Variants in CAMSAP2 observed in about 807,000 individuals in gnomAD.
CAMSAP2 encodes calmodulin regulated spectrin associated protein family member 2.
CAMSAP2 carries 26 observed loss-of-function variants against 146.1 expected under a neutral mutation model. The observed-to-expected ratio is 0.18, with a 90% CI of 0.13 to 0.25. CAMSAP2 has a LOEUF of 0.25. Among genes scored for constraint, CAMSAP2 ranks in the 10% least tolerant of loss-of-function variants. CAMSAP2 has a pLI of 1.00. For missense variants in CAMSAP2, 1,381 were observed against 1,759.3 expected (o/e 0.78, Z 3.85); for synonymous variants, 499 against 596.6 (o/e 0.84, Z 2.38).
chr1:200,739,707 C>G lies in CAMSAP2; in HGVS notation c.-121C>G. The G allele has an allele frequency of 1.1e-6, 1 of 945,728 alleles. No homozygotes were observed. The highest frequency in any genetic ancestry group is 1.4e-6 in the Non-Finnish European group (1 of 706,894). The allele number at this position is 945,728 out of a possible 1,614,324, so 58.6% of individuals were successfully genotyped here. A position where few individuals can be genotyped will look rare whatever the true frequency, so the allele number is the denominator to read the frequency against. On this transcript the variant is annotated 5_prime_UTR_variant, in exon 1 of 17. Coordinates refer to ENST00000358823, the MANE Select transcript of CAMSAP2 (RefSeq NM_203459.4). This position sits in a 1 kb window ranked among gnomAD's most constrained non-coding sequence, Gnocchi z 4.8. ...AGCTTCTCCTCCGTCGGCGCCCGGGCGGACATCGCCCGGGCCCCGATGGTT... is the reference window on the plus strand; with the variant it reads ...AGCTTCTCCTCCGTCGGCGCCCGGGGGGACATCGCCCGGGCCCCGATGGTT...
intron 2 of CAMSAP2, among the ~76,000 whole-genome samples, chr1:200,770,440 C>T (rs936892463): frequency 1.6e-4 from 24 of 146,866 alleles, no homozygotes; most frequent in African/African-American, 5.6e-4. Context: ...TTTTTTGAGA[C>T]GGAGTCTCTG....
chr1:200,800,160 G>T (rs1168703066), intron 2 of CAMSAP2, among the ~76,000 whole-genome samples: 1 of 152,148 alleles, frequency 6.6e-6, no homozygotes, highest in Non-Finnish European at 1.5e-5. Context: ...TTGGGATGGC[G>T]AATTCTGTAG....
intron 2 of CAMSAP2, among the ~76,000 whole-genome samples, chr1:200,784,562 C>T (rs959521685): frequency 5.3e-5 from 8 of 152,030 alleles, no homozygotes; most frequent in African/African-American, 1.7e-4. Context: ...TTATTTATTG[C>T]TAATATATAG....
intron 4 of CAMSAP2, among the ~76,000 whole-genome samples, chr1:200,819,151 A>G (rs888184223): frequency 2.0e-5 from 3 of 152,194 alleles, no homozygotes; most frequent in Non-Finnish European, 4.4e-5. Context: ...TGTTTAGGGT[A>G]TTAGATCCTC....
chr1:200,855,762 A>G (rs1667734385), intron 14 of CAMSAP2, among the ~76,000 whole-genome samples: 1 of 151,792 alleles, frequency 6.6e-6, no homozygotes, highest in South Asian at 2.1e-4. Flanking sequence ...ATGCCCAGCT[A>G]ATTTTTGTAT....
At chr1:200,742,241 T>G (rs1330278991) in intron 1 of CAMSAP2, among the ~76,000 whole-genome samples, 1 of 152,132 alleles carries the variant, frequency 6.6e-6, no homozygotes, top group East Asian at 1.9e-4. Flanking sequence ...GTGTGAAAAA[T>G]GTGCACATAG....
chr1:200,817,816 A>G (rs1241460657), intron 4 of CAMSAP2, among the ~76,000 whole-genome samples: 2 of 152,170 alleles, frequency 1.3e-5, no homozygotes, highest in African/African-American at 4.8e-5. Context: ...TGAAAATACG[A>G]TTTGTGCTTA....
intron 1 of CAMSAP2, 124 bp from the exon 2 acceptor site, chr1:200,760,715 A>G: frequency 1.5e-6 from 1 of 646,028 alleles, no homozygotes; most frequent in Non-Finnish European, 2.5e-6. Context: ...TTTCAGTTAA[A>G]GGGTTATTGC....
At chr1:200,785,868 T>A (rs1665575210) in intron 2 of CAMSAP2, among the ~76,000 whole-genome samples, 1 of 151,930 alleles carries the variant, frequency 6.6e-6, no homozygotes. Context: ...TTTGTATTTT[T>A]AGTAGAGAAG....
intron 15 of CAMSAP2, 147 bp downstream of exon 15, chr1:200,856,272 A>G (rs1450860096): frequency 1.7e-6 from 1 of 599,264 alleles, no homozygotes; most frequent in East Asian, 2.7e-5. Flanking sequence ...ACTTTCAGGT[A>G]GTTCAGTAAG....
Position 200,850,178 on chromosome 1 carries a change from A to G in CAMSAP2, c.3409A>G (p.Ser1137Gly), listed in dbSNP as rs1425375121. The change falls in exon 11 of 17, where the codon AGT (serine) becomes GGT (glycine). Residue 1137 changes from serine (S) to glycine (G), a missense_variant. Coordinates refer to ENST00000358823, the MANE Select transcript of CAMSAP2 (RefSeq NM_203459.4). ...ACCTGTTGAAAAATATGATGGAGAA[A>G]GTGATAAAGAACAATTTGATGATGA... ...DVPVEKYDGESDKEQFDDDQK... is the reference protein window; with the variant it reads ...DVPVEKYDGEGDKEQFDDDQK... 2 of 1,604,656 alleles carry G rather than the reference A, an allele frequency of 1.2e-6. No individual in the cohort carries two copies. The highest frequency in any genetic ancestry group is 2.7e-5 in the African/African-American group (2 of 74,164).
intron 14 of CAMSAP2, among the ~76,000 whole-genome samples, chr1:200,855,490 T>G (rs1350478020): frequency 6.6e-6 from 1 of 152,218 alleles, no homozygotes; most frequent in Non-Finnish European, 1.5e-5. Flanking sequence ...GTTTTCACAT[T>G]GAAAAACATT....
intron 4 of CAMSAP2, among the ~76,000 whole-genome samples, chr1:200,831,596 T>G (rs1259274116): frequency 6.6e-6 from 1 of 152,074 alleles, no homozygotes; most frequent in African/African-American, 2.4e-5. Context: ...ACCCGTATAC[T>G]TGCTCAATTA....
Position 200,848,175 on chromosome 1 carries a change from G to A in CAMSAP2, c.1406G>A (p.Arg469Lys). Residue 469 changes from arginine to lysine, a missense_variant, in exon 11 of 17, where the codon AGG becomes AAG. By Grantham distance (26) the Arg-to-Lys change is conservative (BLOSUM62 2). This residue lies in a region of CAMSAP2 where 447 missense variants were observed against 462.2 expected (regional missense o/e 0.97). Coordinates refer to ENST00000358823, the MANE Select transcript of CAMSAP2 (RefSeq NM_203459.4). ...AACAGTCATGTATCTAAACACATTA[G>A]GAAAAATTTGTCCTTCAAGCCAATA... ...LNNSHVSKHI[R>K]KNLSFKPING... is the part of the protein sequence containing the mutation. 6.2e-7 allele frequency: 1 copy of A among 1,613,734 alleles called. No homozygotes were observed. Among genetic ancestry groups the A allele is most frequent in the Non-Finnish European group, 8.5e-7 (1 of 1,179,820 alleles).
At chr1:200,764,269 GAA>G (rs34204723) in intron 2 of CAMSAP2, among the ~76,000 whole-genome samples, 6 of 151,754 alleles carry the variant, frequency 4.0e-5, no homozygotes, top group African/African-American at 1.4e-4. Context: ...CTTTTGGGGG[GAA>G]AAAAAGTGTG....
At chr1:200,802,260 G>A (rs1005567182) in intron 2 of CAMSAP2, among the ~76,000 whole-genome samples, 4 of 152,130 alleles carry the variant, frequency 2.6e-5, no homozygotes, top group South Asian at 2.1e-4. Flanking sequence ...GCAAGTATAC[G>A]AGCTTTGACC....
chr1:200,774,136 A>G (rs1184391896), intron 2 of CAMSAP2, among the ~76,000 whole-genome samples: 1 of 152,126 alleles, frequency 6.6e-6, no homozygotes, highest in Non-Finnish European at 1.5e-5. Flanking sequence ...ATGATATGGA[A>G]CCATTTTTGC....
chr1:200,836,721 G>A (rs1667194020), intron 6 of CAMSAP2, among the ~76,000 whole-genome samples: 1 of 152,122 alleles, frequency 6.6e-6, no homozygotes, highest in Non-Finnish European at 1.5e-5. Context: ...GTGTGTAAAT[G>A]TTCCTTTTTC....
chr1:200,801,904 G>A (rs139062573), intron 2 of CAMSAP2, among the ~76,000 whole-genome samples: 1 of 152,214 alleles, frequency 6.6e-6, no homozygotes, highest in Admixed American at 6.5e-5. Flanking sequence ...AACCACATTT[G>A]AGCTTTGAGA....
Sources: gnomAD v4.1 joint callset for allele counts (sites outside exome capture counted in the v4.1 genomes callset) on GRCh38, gnomAD v4.1.1 for gene constraint, gnomAD v4.1.1 regional missense constraint, Gnocchi (gnomAD v3.1) non-coding constraint, MANE v1.5 for transcripts, NCBI Gene and HGNC (gene_info 2026-07-23, HGNC 2026-07-21) for gene names.